The following TNFRSF13B variants were observed in gnomAD, a reference collection of about 807,000 sequenced individuals.
TNFRSF13B encodes the protein TNF receptor superfamily member 13B, also known as tumor necrosis factor receptor superfamily member 13B.
A neutral mutation model predicts 24.0 loss-of-function variants in TNFRSF13B; 34 were observed. The observed-to-expected ratio is 1.41, with a 90% CI of 1.08 to 1.88. The LOEUF (loss-of-function observed/expected upper bound fraction) is 1.88. TNFRSF13B is among the 40% of genes most tolerant of loss of function. The pLI is 0.00. For synonymous variants in TNFRSF13B, 173 were observed against 150.3 expected, an observed-to-expected ratio of 1.15 and a Z score of -1.10; for missense variants, 415 against 380.8, an observed-to-expected ratio of 1.09 and a Z score of -0.75.
intron 1 of TNFRSF13B, among the ~76,000 whole-genome samples, chr17:16,969,963 A>G (rs2087732514): frequency 1.3e-5 from 2 of 152,138 alleles, no homozygotes; most frequent in South Asian, 4.1e-4. Flanking sequence ...GGTGGGCAGG[A>G]CGTTCTATGT....
chr17:16,971,872 A>G, intron 1 of TNFRSF13B, 143 bp downstream of exon 1: 1 of 807,630 alleles, frequency 1.2e-6, no homozygotes, highest in Non-Finnish European at 2.1e-6. Flanking sequence ...CATGTGCAGG[A>G]GCTTGGGGAG....
At chr17:16,968,295 T>C (rs923745620) in intron 1 of TNFRSF13B, among the ~76,000 whole-genome samples, 1 of 152,190 alleles carries the variant, frequency 6.6e-6, no homozygotes, top group Admixed American at 6.5e-5. Context: ...GGAAGACTCA[T>C]GTTTCCCTAC....
chr17:16,962,257 A>G (rs747961777), intron 1 of TNFRSF13B, among the ~76,000 whole-genome samples: 19 of 152,218 alleles, frequency 1.2e-4, no homozygotes, highest in African/African-American at 2.4e-4. Flanking sequence ...CTGTTCTCCA[A>G]TCACTTTGGG....
intron 3 of TNFRSF13B, 40 bp from the exon 4 acceptor site, chr17:16,940,551 TCTC>T: frequency 6.3e-7 from 1 of 1,598,720 alleles, no homozygotes; most frequent in Non-Finnish European, 8.5e-7. Flanking sequence ...AGTGCCTTCT[TCTC>T]TTCCCGTCAT....
At chr17:16,969,557 A>G (rs904900385) in intron 1 of TNFRSF13B, among the ~76,000 whole-genome samples, 3 of 152,334 alleles carry the variant, frequency 2.0e-5, no homozygotes, top group East Asian at 1.9e-4. Context: ...AAGACTGACA[A>G]AGTTTCTTTT....
intron 1 of TNFRSF13B, 125 bp from the exon 2 acceptor site, chr17:16,952,708 G>C: frequency 6.9e-7 from 1 of 1,450,724 alleles, no homozygotes; most frequent in Middle Eastern, 1.8e-4. Context: ...CTGAGGAGCA[G>C]AGAGGGCAGA....
chr17:16,949,127 A>G (rs2087571053), intron 2 of TNFRSF13B, 144 bp from the exon 3 acceptor site: 4 of 1,044,680 alleles, frequency 3.8e-6, no homozygotes, highest in Middle Eastern at 2.4e-4. Context: ...TACTTTTACA[A>G]TATACACATT....
In TNFRSF13B at chr17:16,964,987, G is replaced by A. The variant is rs1283667535; in HGVS notation, c.61+7028C>T. On this transcript the variant is annotated intron_variant, in intron 1 of 4. Transcript: ENST00000261652. ...CAAGCATGTAACTGGCCCAAGACAT[G>A]GCTGCTGCTACTGGTATAATAACTA... Among the ~76,000 whole-genome samples the A allele has an allele frequency of 2.0e-5, 3 of 151,980 alleles. No homozygotes were observed. The East Asian group carries it at 5.8e-4, about 29-fold the overall frequency.
chr17:16,941,329 AGGGCACCT>A, intron 3 of TNFRSF13B: 1 of 987,578 alleles, frequency 1.0e-6, no homozygotes, highest in South Asian at 4.7e-5. Context: ...TTTGGGCATC[AGGGCACCT>A]GGCCACCCTA....
chr17:16,940,765 A>G (rs1414019380), intron 3 of TNFRSF13B: 6 of 1,408,588 alleles, frequency 4.3e-6, no homozygotes, highest in Non-Finnish European at 4.6e-6. Context: ...TGTTGTCTCC[A>G]CTTGCTAGGG....
At chr17:16,958,102 A>C (rs985664717) in intron 1 of TNFRSF13B, among the ~76,000 whole-genome samples, 1 of 152,120 alleles carries the variant, frequency 6.6e-6, no homozygotes, top group Non-Finnish European at 1.5e-5. Flanking sequence ...CACAATATAA[A>C]GGGAAAGGCA....
chr17:16,939,393 C>A lies in TNFRSF13B; in HGVS notation c.*154G>T, dbSNP rs537564904. On this transcript the variant is annotated 3_prime_UTR_variant, in exon 5 of 5. Transcript: ENST00000261652. The stretch of plus-strand genomic sequence containing the variant: ...TCTTCCCCTCTGTCTCTCTCTCCCT[C>A]TGTCTCTCTCTCCCTCTCTGTCTCC... The A allele has an allele frequency of 3.9e-5, 35 of 899,860 alleles. No individual in the cohort carries two copies. The African/African-American group carries it at 5.4e-4, about 14-fold the overall frequency. The allele number at this position is 899,860 out of a possible 1,614,324, so 55.7% of individuals were successfully genotyped here. A position where few individuals can be genotyped will look rare whatever the true frequency, so the allele number is the denominator to read the frequency against.
intron 1 of TNFRSF13B, among the ~76,000 whole-genome samples, chr17:16,953,559 T>A (rs1322416071): frequency 6.6e-6 from 1 of 152,152 alleles, no homozygotes; most frequent in Non-Finnish European, 1.5e-5. Context: ...ATATTGCCCC[T>A]TCTGGTACTT....
At chr17:16,941,125 G>T in intron 3 of TNFRSF13B, 1 of 711,548 alleles carries the variant, frequency 1.4e-6, no homozygotes, top group Non-Finnish European at 1.7e-6. Flanking sequence ...ATTGTTTAGG[G>T]ATAACAATGA....
intron 3 of TNFRSF13B, chr17:16,941,058 A>G: frequency 5.0e-6 from 3 of 606,048 alleles, no homozygotes; most frequent in Non-Finnish European, 6.3e-6. Context: ...AGTCATCTCT[A>G]GATTACTTAT....
intron 1 of TNFRSF13B, among the ~76,000 whole-genome samples, chr17:16,962,007 C>T (rs1005117040): frequency 4.6e-5 from 7 of 152,094 alleles, no homozygotes; most frequent in Non-Finnish European, 1.0e-4. Flanking sequence ...AAGGACTTCC[C>T]CAGTGACAGC....
intron 3 of TNFRSF13B, among the ~76,000 whole-genome samples, chr17:16,942,178 C>T (rs546016156): frequency 3.2e-4 from 49 of 152,230 alleles, no homozygotes; most frequent in Admixed American, 6.5e-4. Flanking sequence ...TGCTGGACTG[C>T]GTTGCACAGC....
At chr17:16,956,938 A>G (rs1224562772) in intron 1 of TNFRSF13B, among the ~76,000 whole-genome samples, 2 of 152,224 alleles carry the variant, frequency 1.3e-5, no homozygotes, top group Non-Finnish European at 2.9e-5. Context: ...TGGTGGACAC[A>G]TGTCCGCATA....
intron 1 of TNFRSF13B, among the ~76,000 whole-genome samples, chr17:16,959,780 G>A (rs2087649232): frequency 6.6e-6 from 1 of 152,076 alleles, no homozygotes; most frequent in Non-Finnish European, 1.5e-5. Context: ...ACTGATGAAT[G>A]AACAGAAAAT....
Sources: allele counts gnomAD v4.1 joint callset (sites outside exome capture counted in the v4.1 genomes callset), GRCh38; gene constraint gnomAD v4.1.1; transcripts MANE v1.5; gene names NCBI Gene and HGNC (gene_info 2026-07-23, HGNC 2026-07-21).